DSCAM: variants seen among roughly 807,000 people sequenced by gnomAD.
DSCAM encodes the protein cell adhesion molecule DSCAM.
In DSCAM, 47 loss-of-function variants were observed where a neutral mutation model predicts 217.7. The observed-to-expected ratio is 0.22, with a 90% confidence interval of 0.17 to 0.28. The LOEUF is 0.28. Among genes scored for constraint, DSCAM ranks in the 10% least tolerant of loss-of-function variants. DSCAM has a pLI of 1.00. For missense variants in DSCAM, 2,080 were observed against 2,618.3 expected (o/e 0.79, Z 4.49); for synonymous variants, 1,056 against 1,015.3 (o/e 1.04, Z -0.76).
intron 11 of DSCAM, among the ~76,000 whole-genome samples, chr21:40,266,771 C>A: frequency 1.8e-5 from 1 of 54,246 alleles, no homozygotes; most frequent in African/African-American, 8.5e-5. Flanking sequence ...TTGAAATTTT[C>A]ACATGCATAT....
chr21:40,293,507 C>A (rs2073918986), intron 10 of DSCAM, among the ~76,000 whole-genome samples: 1 of 152,130 alleles, frequency 6.6e-6, no homozygotes, highest in African/African-American at 2.4e-5. Flanking sequence ...GAAAAATAAA[C>A]CCTTGTGAAT....
chr21:40,093,900 C>A (rs2089643559), intron 20 of DSCAM, 26 bp from the exon 21 acceptor site: 1 of 1,599,034 alleles, frequency 6.3e-7, no homozygotes, highest in South Asian at 1.1e-5. Flanking sequence ...TAAGTGTTCC[C>A]ACATTCAAAG....
chr21:40,077,621 CT>C (rs1228301455), intron 26 of DSCAM, among the ~76,000 whole-genome samples: 2 of 152,212 alleles, frequency 1.3e-5, no homozygotes, highest in Non-Finnish European at 2.9e-5. Context: ...TTTTCATGGG[CT>C]GCCTCTGTCT....
chr21:40,663,352 T>G (rs1182473634), intron 3 of DSCAM, among the ~76,000 whole-genome samples: 2 of 151,360 alleles, frequency 1.3e-5, no homozygotes, highest in African/African-American at 4.9e-5. Flanking sequence ...TTAGCAGGAG[T>G]GTCCAGGGCC....
At chr21:40,249,771 G>A (rs548348746) in intron 11 of DSCAM, among the ~76,000 whole-genome samples, 1 of 152,228 alleles carries the variant, frequency 6.6e-6, no homozygotes, top group Admixed American at 6.5e-5. Context: ...GGTAATCATG[G>A]CTTCATGGGG....
chr21:40,466,631 C>G (rs958437741), intron 3 of DSCAM, among the ~76,000 whole-genome samples: 3 of 152,336 alleles, frequency 2.0e-5, no homozygotes, highest in Admixed American at 1.3e-4. Context: ...TCTCCCTGCA[C>G]TGTCCAGGTA....
intron 3 of DSCAM, among the ~76,000 whole-genome samples, chr21:40,467,037 C>A (rs1053851429): frequency 3.0e-4 from 45 of 152,096 alleles, no homozygotes; most frequent in African/African-American, 9.9e-4. Context: ...ATCTTGAGAA[C>A]CTAGAACATA....
At chr21:40,414,592 CTTTCTT>C (rs1360946863) in intron 3 of DSCAM, among the ~76,000 whole-genome samples, 3 of 152,226 alleles carry the variant, frequency 2.0e-5, no homozygotes, top group Middle Eastern at 3.4e-3. Context: ...CTATTTTTCT[CTTTCTT>C]TTTCTTTAAT....
At chr21:40,111,782 C>T (rs2089902383) in intron 20 of DSCAM, among the ~76,000 whole-genome samples, 2 of 152,120 alleles carry the variant, frequency 1.3e-5, no homozygotes, top group Admixed American at 1.3e-4. Flanking sequence ...TCTGATAAAA[C>T]AGACTTGAAA....
intron 11 of DSCAM, among the ~76,000 whole-genome samples, chr21:40,271,206 G>T (rs1032612834): frequency 2.0e-5 from 3 of 152,164 alleles, no homozygotes; most frequent in Non-Finnish European, 2.9e-5. Context: ...ATGGAGGAGG[G>T]AGACCACATT....
intron 21 of DSCAM, among the ~76,000 whole-genome samples, chr21:40,087,996 C>G (rs1037333442): frequency 6.6e-6 from 1 of 152,200 alleles, no homozygotes; most frequent in Non-Finnish European, 1.5e-5. Context: ...TCTAGTGCTA[C>G]CTCCATCAGT....
At chr21:40,085,486 G>A in intron 23 of DSCAM, 116 bp downstream of exon 23, 1 of 925,352 alleles carries the variant, frequency 1.1e-6, no homozygotes, top group Non-Finnish European at 1.5e-6. Flanking sequence ...TCTGTAATAT[G>A]GAAACAGAAG....
intron 1 of DSCAM, among the ~76,000 whole-genome samples, chr21:40,844,919 C>G (rs1407570383): frequency 6.6e-6 from 1 of 152,176 alleles, no homozygotes; most frequent in African/African-American, 2.4e-5. Flanking sequence ...TCTTATAACC[C>G]AGGCCTTTCC....
chr21:40,620,298 A>AAAAG (rs769747308), intron 3 of DSCAM, among the ~76,000 whole-genome samples: 3,701 of 74,046 alleles, frequency 0.05, 596 homozygotes, highest in Middle Eastern at 0.11. Flanking sequence ...AGAAAAAAGA[A>AAAAG]AAAGAAAGAG....
chr21:40,734,292 C>G (rs182606428), intron 1 of DSCAM, among the ~76,000 whole-genome samples: 1 of 152,230 alleles, frequency 6.6e-6, no homozygotes, highest in East Asian at 1.9e-4. Context: ...AAGAGGAGAG[C>G]AGGAGGAAGA....
At chr21:40,612,955 T>C (rs1186516650) in intron 3 of DSCAM, among the ~76,000 whole-genome samples, 3 of 152,196 alleles carry the variant, frequency 2.0e-5, no homozygotes, top group African/African-American at 7.2e-5. Context: ...GAATCTTTAA[T>C]CCTTGTCCCT....
At chr21:40,311,932 T>TG in intron 9 of DSCAM, 149 bp downstream of exon 9, 1 of 426,052 alleles carries the variant, frequency 2.3e-6, no homozygotes. Context: ...TTTAGAGTCG[T>TG]ATTTTTTTTT....
chr21:40,832,624 G>A (rs1296487922), intron 1 of DSCAM, among the ~76,000 whole-genome samples: 4 of 152,140 alleles, frequency 2.6e-5, no homozygotes, highest in Admixed American at 6.5e-5. Context: ...TTTCCAGCCA[G>A]ATCAAAACAC....
chr21:40,674,144 T>C (rs1024152441), intron 3 of DSCAM, among the ~76,000 whole-genome samples: 27 of 152,218 alleles, frequency 1.8e-4, no homozygotes, highest in Non-Finnish European at 3.4e-4. Context: ...AATCTCTCCA[T>C]GGACACAGTT....
Sources: allele counts gnomAD v4.1 joint callset (sites outside exome capture counted in the v4.1 genomes callset), GRCh38; gene constraint gnomAD v4.1.1; transcripts MANE v1.5; gene names NCBI Gene and HGNC (gene_info 2026-07-23, HGNC 2026-07-21).